The following ZNF423 variants were observed in gnomAD, a reference collection of about 807,000 sequenced individuals.
The protein encoded by ZNF423 is Ebf-associated zinc finger protein.
ZNF423 carries 12 observed loss-of-function variants against 95.8 expected under a neutral mutation model. That is an observed-to-expected ratio of 0.13 (90% CI 0.08 to 0.20). The LOEUF (loss-of-function observed/expected upper bound fraction) is 0.20. ZNF423 is among the 10% of genes least tolerant of loss of function. ZNF423 has a pLI of 1.00. For synonymous variants in ZNF423, 749 were observed against 711.9 expected, an observed-to-expected ratio of 1.05 and a Z score of -0.83; for missense variants, 1,316 against 1,737.1, an observed-to-expected ratio of 0.76 and a Z score of 4.31.
At chr16:49,556,525 G>T (rs1208971445) in intron 5 of ZNF423, among the ~76,000 whole-genome samples, 2 of 152,164 alleles carry the variant, frequency 1.3e-5, no homozygotes, top group Non-Finnish European at 2.9e-5. Flanking sequence ...TTTGCACAGA[G>T]AGGAACTCAA....
chr16:49,758,656 C>T (rs545186263), intron 2 of ZNF423, among the ~76,000 whole-genome samples: 3 of 152,196 alleles, frequency 2.0e-5, no homozygotes, highest in East Asian at 1.9e-4. Flanking sequence ...ATGAGAGGAT[C>T]GCTTGAGTCT....
chr16:49,620,169 C>CAT (rs1972016281), intron 5 of ZNF423, among the ~76,000 whole-genome samples: 1 of 151,282 alleles, frequency 6.6e-6, no homozygotes, highest in African/African-American at 2.4e-5. Context: ...ACACCACACA[C>CAT]ACACAACACA....
At chr16:49,771,430 C>T (rs565934745) in intron 2 of ZNF423, among the ~76,000 whole-genome samples, 1 of 152,242 alleles carries the variant, frequency 6.6e-6, no homozygotes, top group South Asian at 2.1e-4. Flanking sequence ...GTCTTGAACT[C>T]CTGACCTCAA....
chr16:49,668,761 G>GC (rs2151922970), intron 3 of ZNF423, among the ~76,000 whole-genome samples: 1 of 152,300 alleles, frequency 6.6e-6, no homozygotes, highest in East Asian at 1.9e-4. Flanking sequence ...TAAGCACCAG[G>GC]CCCCCAGGAG....
intron 5 of ZNF423, among the ~76,000 whole-genome samples, chr16:49,554,249 A>T (rs1448565839): frequency 6.6e-6 from 1 of 151,968 alleles, no homozygotes; most frequent in Non-Finnish European, 1.5e-5. Context: ...CCCTTCCCCA[A>T]TCCTAGATCC....
At chr16:49,534,516 G>C (rs560878028) in intron 5 of ZNF423, among the ~76,000 whole-genome samples, 1 of 152,316 alleles carries the variant, frequency 6.6e-6, no homozygotes, top group Non-Finnish European at 1.5e-5. Context: ...GCCTCCCAAA[G>C]TGCTGGGATT....
chr16:49,491,390 A>G, intron 7 of ZNF423, 86 bp from the exon 8 acceptor site: 2 of 1,538,962 alleles, frequency 1.3e-6, no homozygotes, highest in South Asian at 1.1e-5. Flanking sequence ...TTACGCCGGG[A>G]GCCGCAGAAA....
chr16:49,727,121 A>C (rs2033040068), intron 3 of ZNF423, among the ~76,000 whole-genome samples: 1 of 152,188 alleles, frequency 6.6e-6, no homozygotes, highest in African/African-American at 2.4e-5. Context: ...TTGATACCTC[A>C]TGGGTTTAAG....
chr16:49,654,781 G>A (rs1973544519), intron 3 of ZNF423, among the ~76,000 whole-genome samples: 1 of 152,204 alleles, frequency 6.6e-6, no homozygotes, highest in African/African-American at 2.4e-5. Flanking sequence ...GATTAGGCCA[G>A]GGAGAAAGGC....
intron 5 of ZNF423, among the ~76,000 whole-genome samples, chr16:49,544,166 A>T (rs1389976853): frequency 6.6e-6 from 1 of 152,204 alleles, no homozygotes; most frequent in Non-Finnish European, 1.5e-5. Context: ...AATTAGACAC[A>T]CCTGCCTTTA....
chr16:49,560,115 C>T (rs967349064), intron 5 of ZNF423, among the ~76,000 whole-genome samples: 5 of 152,138 alleles, frequency 3.3e-5, no homozygotes, highest in African/African-American at 1.2e-4. Flanking sequence ...AGCAGGTTGG[C>T]GATTAACAAA....
rs534633816 is a variant in ZNF423, at chr16:49,574,884, C to T, written c.3602-49390G>A. On this transcript the variant is annotated intron_variant, in intron 5 of 7. Coordinates refer to ENST00000563137, the MANE Select transcript of ZNF423 (RefSeq NM_001379286.1). ...TTTTAATAGTCTCATAACTGAACTC[C>T]CTTCAAAACATGCCAGCGGAGGAGG... 2.0e-5 allele frequency among the ~76,000 whole-genome samples: 3 copies of T among 152,294 alleles called. No homozygotes were observed. In the East Asian group the frequency reaches 5.8e-4, roughly 29 times the overall value.
At chr16:49,568,872 C>T (rs1970273995) in intron 5 of ZNF423, among the ~76,000 whole-genome samples, 1 of 152,132 alleles carries the variant, frequency 6.6e-6, no homozygotes, top group African/African-American at 2.4e-5. Flanking sequence ...AACCTTCTCA[C>T]ATCCTCCTCG....
chr16:49,491,410 A>G, intron 7 of ZNF423, 106 bp from the exon 8 acceptor site: 2 of 1,406,986 alleles, frequency 1.4e-6, no homozygotes, highest in Admixed American at 1.7e-5. Flanking sequence ...AAGCGTCTCG[A>G]TTATAACAAA....
chr16:49,842,388 G>GGAAGGAAA (rs2035197675), intron 1 of ZNF423, among the ~76,000 whole-genome samples: 1 of 113,102 alleles, frequency 8.8e-6, no homozygotes, highest in African/African-American at 3.5e-5. Context: ...AAGGAAGGAA[G>GGAAGGAAA]GAAGGAAGGA....
Position 49,829,196 on chromosome 16 carries a change from T to C in ZNF423, c.40+26539A>G, listed in dbSNP as rs115067528. The stretch of plus-strand genomic sequence containing the variant: ...GGAATCACAGCCAACTCTTTCCACC[T>C]CTGTGTTGTGTAGAATGACCAACTG... On this transcript the variant is annotated intron_variant, in intron 1 of 7. Transcript: ENST00000563137. 4.7e-3 allele frequency among the ~76,000 whole-genome samples: 715 copies of C among 152,334 alleles called. 10 individuals carry two copies. The highest frequency in any genetic ancestry group is 0.017 in the Middle Eastern group (5 of 294).
At chr16:49,550,191 A>G (rs1050811961) in intron 5 of ZNF423, among the ~76,000 whole-genome samples, 3 of 152,172 alleles carry the variant, frequency 2.0e-5, no homozygotes, top group Non-Finnish European at 4.4e-5. Context: ...ACTGCAACCC[A>G]CAGAAAGAAG....
intron 3 of ZNF423, among the ~76,000 whole-genome samples, chr16:49,696,314 G>T (rs1325185798): frequency 6.6e-6 from 1 of 152,174 alleles, no homozygotes; most frequent in African/African-American, 2.4e-5. Flanking sequence ...CATACATGGG[G>T]TATTATTATT....
chr16:49,779,842 C>T (rs1168106671), intron 2 of ZNF423, among the ~76,000 whole-genome samples: 2 of 152,196 alleles, frequency 1.3e-5, no homozygotes, highest in Admixed American at 1.3e-4. Flanking sequence ...CCCTCCTTGT[C>T]TTTACAATCC....
Sources: allele counts gnomAD v4.1 joint callset (sites outside exome capture counted in the v4.1 genomes callset), GRCh38; gene constraint gnomAD v4.1.1; transcripts MANE v1.5; gene names NCBI Gene and HGNC (gene_info 2026-07-23, HGNC 2026-07-21).